The following GAD1 variants were observed in gnomAD, a reference collection of about 807,000 sequenced individuals.
GAD1 encodes 67 kDa glutamic acid decarboxylase.
A neutral mutation model predicts 75.2 loss-of-function variants in GAD1; 35 were observed. The observed-to-expected ratio is 0.47, with a 90% CI of 0.36 to 0.62. The LOEUF is 0.62. GAD1 is among the 20% of genes least tolerant of loss of function. The pLI, the probability that GAD1 is intolerant of heterozygous loss-of-function variation, is 0.00. For missense variants in GAD1, 490 were observed against 758.5 expected, an observed-to-expected ratio of 0.65 and a Z score of 4.16; for synonymous variants, 257 against 271.9, an observed-to-expected ratio of 0.95 and a Z score of 0.54.
In GAD1 at chr2:170,859,825, C is replaced by G. The variant is rs754811184; in HGVS notation, c.1728C>G (p.Thr576=). The change falls in exon 17 of 17, where the codon ACC becomes ACG. Residue 576 remains threonine, a synonymous_variant. Coordinates refer to ENST00000358196, the MANE Select transcript of GAD1 (RefSeq NM_000817.3). ...TGGTCATCTCCAACCCAGCCGCTACCCAGTCTGACATTGACTTCCTCATTG... is the reference window on the plus strand; with the variant it reads ...TGGTCATCTCCAACCCAGCCGCTACGCAGTCTGACATTGACTTCCTCATTG... ...FRMVISNPAA[T]QSDIDFLIEE... 6.2e-7 allele frequency: 1 copy of G among 1,614,034 alleles called. No individual in the cohort carries two copies. Among genetic ancestry groups the G allele is most frequent in the African/African-American group, 1.3e-5 (1 of 74,918 alleles).
At position 170,859,796 on chromosome 2, in the gene GAD1, C is replaced by T. The variant is rs763585990; in HGVS notation, c.1699C>T (p.Arg567Trp). The T allele has an allele frequency of 2.5e-6, 4 of 1,614,008 alleles. No homozygotes were observed. The highest frequency in any genetic ancestry group is 3.3e-5 in the Admixed American group (2 of 60,000). ...CCAAGGGGACAAGGCCAACTTCTTC[C>T]GGATGGTCATCTCCAACCCAGCCGC... ...QPQGDKANFF[R>W]MVISNPAATQ... is the part of the protein sequence containing the mutation. The change falls in exon 17 of 17, where the codon CGG becomes TGG. Residue 567 changes from arginine to tryptophan, a missense_variant. By Grantham distance (101) the Arg-to-Trp change is moderately radical (BLOSUM62 -3). Coordinates refer to ENST00000358196, the MANE Select transcript of GAD1 (RefSeq NM_000817.3).
intron 6 of GAD1, chr2:170,842,511 G>A: frequency 6.7e-7 from 1 of 1,497,324 alleles, no homozygotes; most frequent in South Asian, 1.1e-5. Context: ...TTTGCCTCTT[G>A]GTACACTTGG....
At chr2:170,839,101 G>T (rs926076645) in intron 6 of GAD1, among the ~76,000 whole-genome samples, 1 of 152,176 alleles carries the variant, frequency 6.6e-6, no homozygotes, top group Non-Finnish European at 1.5e-5. Flanking sequence ...CGGGAACAGT[G>T]TTCAAAATAA....
chr2:170,824,397 ACACACACACACACAC>A (rs1701975243), intron 3 of GAD1, among the ~76,000 whole-genome samples: 1 of 61,410 alleles, frequency 1.6e-5, no homozygotes, highest in Non-Finnish European at 4.9e-5. Context: ...ACACACACAC[ACACACACACACACAC>A]ACACACACCC....
At chr2:170,843,815 G>T in intron 6 of GAD1, 2 of 533,522 alleles carry the variant, frequency 3.7e-6, no homozygotes, top group Non-Finnish European at 6.7e-6. Context: ...TTTTGTTGGT[G>T]AAGTATCACA....
At chr2:170,826,163 T>G (rs1026185920) in intron 3 of GAD1, among the ~76,000 whole-genome samples, 3 of 152,228 alleles carry the variant, frequency 2.0e-5, no homozygotes, top group Non-Finnish European at 4.4e-5. Context: ...ACATAAATTA[T>G]AATGCAGTGT....
chr2:170,823,161 C>T (rs1701935071), intron 3 of GAD1, among the ~76,000 whole-genome samples: 2 of 152,172 alleles, frequency 1.3e-5, no homozygotes, highest in Admixed American at 6.5e-5. Context: ...GGAAGATTAA[C>T]GGGCGGCTTA....
chr2:170,815,811 C>T (rs188908586), upstream of GAD1, among the ~76,000 whole-genome samples: 1 of 152,344 alleles, frequency 6.6e-6, no homozygotes, highest in Non-Finnish European at 1.5e-5. Context: ...CGGCGCGTAA[C>T]CGTCTGGCCA....
rs771465565 is a variant in GAD1, at chr2:170,858,755, C to T, written c.1522-49C>T. On this transcript the variant is annotated intron_variant, in intron 15 of 16. Coordinates refer to ENST00000358196, the MANE Select transcript of GAD1 (RefSeq NM_000817.3). The stretch of plus-strand genomic sequence containing the variant: ...TGCATATTGGTTTGGGAACAGCTTT[C>T]TCTCAAGTTATCCTAATTTTCTTTG... 1.3e-4 allele frequency: 198 copies of T among 1,565,166 alleles called. 1 individual carries two copies. Among genetic ancestry groups the T allele is most frequent in the Non-Finnish European group, 1.6e-4 (186 of 1,137,682 alleles).
rs1035752499 is a variant in GAD1, at chr2:170,852,961, C to T, written c.1263+169C>T. ...CCTGCCCTTGCAGCTAACCTGGTTT[C>T]TTCTCTTGGCTCTTGCTGGCTACTG... On this transcript the variant is annotated intron_variant, in intron 13 of 16. Transcript: ENST00000358196. 18 of 691,730 alleles carry T rather than the reference C, an allele frequency of 2.6e-5. No homozygotes were observed. The East Asian group carries it at 4.9e-4, about 19-fold the overall frequency. 42.8% of individuals were successfully genotyped at this position (691,730 alleles called of 1,614,324 possible). A position where few individuals can be genotyped will look rare whatever the true frequency, so the allele number is the denominator to read the frequency against.
intron 3 of GAD1, among the ~76,000 whole-genome samples, chr2:170,825,275 G>A (rs148103373): frequency 3.3e-4 from 50 of 152,234 alleles, no homozygotes; most frequent in Middle Eastern, 3.4e-3. Flanking sequence ...TGCAGTCCTA[G>A]CTACTCAGGA....
chr2:170,835,671 A>G (rs944751294), intron 5 of GAD1, among the ~76,000 whole-genome samples: 1 of 152,222 alleles, frequency 6.6e-6, no homozygotes, highest in Non-Finnish European at 1.5e-5. Context: ...ACATTATCAA[A>G]TAGTGTGATT....
At chr2:170,857,386 T>G (rs935415792) in intron 15 of GAD1, among the ~76,000 whole-genome samples, 1 of 152,076 alleles carries the variant, frequency 6.6e-6, no homozygotes, top group Non-Finnish European at 1.5e-5. Flanking sequence ...AGACAAGAGG[T>G]CTTTCCTTGA....
At chr2:170,843,461 C>T (rs1702563057) in intron 6 of GAD1, among the ~76,000 whole-genome samples, 1 of 152,142 alleles carries the variant, frequency 6.6e-6, no homozygotes, top group African/African-American at 2.4e-5. Context: ...AGGATTATTA[C>T]AGAAAAACCA....
intron 6 of GAD1, among the ~76,000 whole-genome samples, chr2:170,838,370 C>T (rs945708658): frequency 6.6e-6 from 1 of 152,172 alleles, no homozygotes; most frequent in Non-Finnish European, 1.5e-5. Flanking sequence ...CCAGCCAGCA[C>T]AGACATCATA....
intron 3 of GAD1, among the ~76,000 whole-genome samples, chr2:170,823,607 G>A (rs953147482): frequency 1.3e-5 from 2 of 152,126 alleles, no homozygotes; most frequent in East Asian, 3.9e-4. Flanking sequence ...GGCAGCCGGC[G>A]GCCGCGGATC....
At position 170,853,870 on chromosome 2, in the gene GAD1, T is replaced by C. The variant is rs768310975; in HGVS notation, c.1264-3T>C. ...GATGCACCCATCTTAATTTCCATGA[T>C]AGGGTATACTCCAAGGATGCAACCA... On this transcript the variant is annotated splice_polypyrimidine_tract_variant and splice_region_variant and intron_variant, in intron 13 of 16. Transcript: ENST00000358196. This position sits in a 1 kb window ranked among gnomAD's most constrained non-coding sequence, Gnocchi z 4.1. 1 of 1,614,054 alleles carries C rather than the reference T, an allele frequency of 6.2e-7. No homozygotes were observed. Among genetic ancestry groups the C allele is most frequent in the Non-Finnish European group, 8.5e-7 (1 of 1,179,942 alleles).
At chr2:170,823,797 G>A (rs1701955670) in intron 3 of GAD1, among the ~76,000 whole-genome samples, 1 of 151,714 alleles carries the variant, frequency 6.6e-6, no homozygotes, top group South Asian at 2.1e-4. Context: ...GCCCTGGGCA[G>A]CCGAGGACAG....
chr2:170,821,847 C>A, intron 2 of GAD1: 1 of 547,794 alleles, frequency 1.8e-6, no homozygotes, highest in South Asian at 2.1e-5. Context: ...GCCGGGTGCC[C>A]CGCCTCTCAG....
Sources: gnomAD v4.1 joint callset for allele counts (sites outside exome capture counted in the v4.1 genomes callset) on GRCh38, gnomAD v4.1.1 for gene constraint, Gnocchi (gnomAD v3.1) non-coding constraint, MANE v1.5 for transcripts, NCBI Gene and HGNC (gene_info 2026-07-23, HGNC 2026-07-21) for gene names.